Variants in NLGN1 observed in about 807,000 individuals in gnomAD.
NLGN1 encodes neuroligin 1, also known as neuroligin-1.
Under a neutral mutation model 65.5 loss-of-function variants are expected in NLGN1, and 12 were observed. The observed-to-expected ratio is 0.18, with a 90% CI of 0.12 to 0.30. NLGN1 has a LOEUF of 0.30. NLGN1 is among the 10% of genes least tolerant of loss of function. The pLI, the probability that NLGN1 is intolerant of heterozygous loss-of-function variation, is 1.00. For missense variants in NLGN1, 750 were observed against 1,007.1 expected (o/e 0.74, Z 3.46); for synonymous variants, 350 against 359.5 (o/e 0.97, Z 0.30).
chr3:174,056,613 G>GTAAA (rs1736153953), intron 4 of NLGN1, among the ~76,000 whole-genome samples: 1 of 151,834 alleles, frequency 6.6e-6, no homozygotes, highest in African/African-American at 2.4e-5. Flanking sequence ...GATACATAAT[G>GTAAA]GGATTTTTAT....
At chr3:174,291,529 T>G (rs895275583), downstream of NLGN1, among the ~76,000 whole-genome samples, 5 of 151,224 alleles carry the variant, frequency 3.3e-5, no homozygotes, top group Non-Finnish European at 7.4e-5. Context: ...AAGACTCTTT[T>G]GTTATATAAT....
At chr3:173,504,542 A>G (rs992432420) in intron 2 of NLGN1, among the ~76,000 whole-genome samples, 1 of 152,052 alleles carries the variant, frequency 6.6e-6, no homozygotes, top group African/African-American at 2.4e-5. Context: ...GAGACCCTTG[A>G]AATCTCTTAA....
intron 2 of NLGN1, among the ~76,000 whole-genome samples, chr3:173,514,870 G>A (rs529008710): frequency 6.6e-6 from 1 of 152,010 alleles, no homozygotes; most frequent in Non-Finnish European, 1.5e-5. Flanking sequence ...GTATTTTATT[G>A]TATGCATATA....
At chr3:173,857,119 C>G (rs1485087347) in intron 4 of NLGN1, among the ~76,000 whole-genome samples, 1 of 151,920 alleles carries the variant, frequency 6.6e-6, no homozygotes, top group Non-Finnish European at 1.5e-5. Context: ...AGGAATGCCA[C>G]CTGGACACAT....
intron 3 of NLGN1, among the ~76,000 whole-genome samples, chr3:173,659,757 G>GT (rs1352215965): frequency 2.0e-5 from 3 of 151,336 alleles, no homozygotes; most frequent in Non-Finnish European, 2.9e-5. Context: ...TTCTGTGTGC[G>GT]TGTGTATGTG....
At chr3:173,792,842 A>G (rs1472831030) in intron 3 of NLGN1, among the ~76,000 whole-genome samples, 1 of 152,208 alleles carries the variant, frequency 6.6e-6, no homozygotes, top group Non-Finnish European at 1.5e-5. Context: ...TGTATTTTAA[A>G]TGACTAGCTT....
At chr3:174,067,554 C>T (rs927758375) in intron 4 of NLGN1, among the ~76,000 whole-genome samples, 1 of 152,126 alleles carries the variant, frequency 6.6e-6, no homozygotes, top group African/African-American at 2.4e-5. Flanking sequence ...TAACTGCTGT[C>T]AACGTAGGCA....
At chr3:173,743,357 G>A (rs186571808) in intron 3 of NLGN1, among the ~76,000 whole-genome samples, 15 of 152,100 alleles carry the variant, frequency 9.9e-5, no homozygotes, top group South Asian at 2.1e-4. Context: ...GAATGATTTC[G>A]TAGTGACTAA....
rs112580971 is a variant in NLGN1, at chr3:173,568,453, C to T, written c.-320-35826C>T. Among the ~76,000 whole-genome samples, 185 of 152,166 alleles carry T rather than the reference C, an allele frequency of 1.2e-3. 1 individual carries two copies. Among genetic ancestry groups the T allele is most frequent in the Middle Eastern group, 6.8e-3 (2 of 294 alleles). ...TTTGCCATGTTGGCCAGGCTGCCCT[C>T]GAACTCCTGACCTCAAAGTGAACCA... On this transcript the variant is annotated intron_variant, in intron 2 of 6. Transcript: ENST00000457714.
At chr3:173,769,892 A>G (rs1380759004) in intron 3 of NLGN1, among the ~76,000 whole-genome samples, 1 of 152,162 alleles carries the variant, frequency 6.6e-6, no homozygotes, top group Non-Finnish European at 1.5e-5. Context: ...GGAAATATCT[A>G]AAAGGTAGCA....
At chr3:174,252,730 A>G (rs534667390) in intron 4 of NLGN1, among the ~76,000 whole-genome samples, 1 of 152,286 alleles carries the variant, frequency 6.6e-6, no homozygotes, top group East Asian at 1.9e-4. Flanking sequence ...GGATACATCA[A>G]AATCACCTGG....
At chr3:173,814,326 C>T (rs934749806) in intron 4 of NLGN1, among the ~76,000 whole-genome samples, 1 of 152,224 alleles carries the variant, frequency 6.6e-6, no homozygotes, top group African/African-American at 2.4e-5. Flanking sequence ...GATTTCTTCT[C>T]TCAAATATGT....
intron 2 of NLGN1, among the ~76,000 whole-genome samples, chr3:173,499,171 G>A (rs1730564903): frequency 6.6e-6 from 1 of 151,616 alleles, no homozygotes; most frequent in Non-Finnish European, 1.5e-5. Context: ...TTTCTTCTAG[G>A]GTTTTTATGG....
At chr3:173,746,570 C>T (rs972528237) in intron 3 of NLGN1, among the ~76,000 whole-genome samples, 8 of 151,916 alleles carry the variant, frequency 5.3e-5, no homozygotes, top group East Asian at 1.9e-4. Context: ...AAGCCCTTCA[C>T]GAAAACCATT....
At chr3:174,054,659 A>G (rs1313682560) in intron 4 of NLGN1, among the ~76,000 whole-genome samples, 1 of 152,022 alleles carries the variant, frequency 6.6e-6, no homozygotes, top group Non-Finnish European at 1.5e-5. Context: ...CTGCATGCAT[A>G]TGACTAGTAC....
chr3:173,495,051 CTA>C (rs2149029667), intron 2 of NLGN1, among the ~76,000 whole-genome samples: 1 of 151,862 alleles, frequency 6.6e-6, no homozygotes, highest in East Asian at 1.9e-4. Flanking sequence ...AAAATAGTCA[CTA>C]GAGTTATTAA....
At chr3:174,082,330 G>A (rs980401654) in intron 4 of NLGN1, among the ~76,000 whole-genome samples, 2 of 151,912 alleles carry the variant, frequency 1.3e-5, no homozygotes, top group African/African-American at 2.4e-5. Flanking sequence ...ATCCTACTTA[G>A]ATCATTGGGC....
At position 173,490,683 on chromosome 3, in the gene NLGN1, G is replaced by A. The variant is rs559973224; in HGVS notation, c.-321+55605G>A. 2.6e-5 allele frequency among the ~76,000 whole-genome samples: 4 copies of A among 152,104 alleles called. No homozygotes were observed. The East Asian group carries it at 7.7e-4, about 29-fold the overall frequency. On this transcript the variant is annotated intron_variant, in intron 2 of 6. Coordinates refer to ENST00000457714, the Ensembl canonical transcript of NLGN1. ...GCATTGAATCTATAAATTACCTTGG[G>A]CAGTATGGCGATTTTCACGATATTG...
In NLGN1 at chr3:173,604,692, T is replaced by C. The variant is rs1332467854; in HGVS notation, c.94T>C (p.Cys32Arg). ...GGGATTGGGTGCCCCATTGACTCTC[T>C]GTATGTTGGGATGTTTGCTTCAGGC... The change falls in exon 3 of 7, where the codon TGT (cysteine) becomes CGT (arginine). Residue 32 changes from cysteine to arginine, a missense_variant. Cys to Arg is a radical substitution (Grantham distance 180, BLOSUM62 -3). Transcript: ENST00000457714. The C allele has an allele frequency of 2.5e-6, 4 of 1,613,624 alleles. No individual in the cohort carries two copies. In the East Asian group the frequency reaches 8.9e-5, roughly 36 times the overall value.
Sources: gnomAD v4.1 joint callset for allele counts (sites outside exome capture counted in the v4.1 genomes callset) on GRCh38, gnomAD v4.1.1 for gene constraint, MANE v1.5 for transcripts, NCBI Gene and HGNC (gene_info 2026-07-23, HGNC 2026-07-21) for gene names.